The following CALD1 variants were observed in gnomAD, a reference collection of about 807,000 sequenced individuals.
CALD1 encodes caldesmon.
A neutral mutation model predicts 99.9 loss-of-function variants in CALD1; 33 were observed. The ratio of observed to expected loss-of-function variants is 0.33; its 90% CI spans 0.25 to 0.44. The LOEUF (loss-of-function observed/expected upper bound fraction) is 0.44. CALD1 is among the 20% of genes least tolerant of loss of function. The probability of loss-of-function intolerance (pLI) is 1.00; values close to 1 mark genes in which losing one functional copy is unlikely to be tolerated. For synonymous variants in CALD1, 310 were observed against 325.0 expected, an observed-to-expected ratio of 0.95 and a Z score of 0.50; for missense variants, 861 against 962.1, an observed-to-expected ratio of 0.89 and a Z score of 1.39.
intron 4 of CALD1, among the ~76,000 whole-genome samples, chr7:134,930,544 A>T (rs1024553704): frequency 6.6e-6 from 1 of 152,152 alleles, no homozygotes; most frequent in East Asian, 1.9e-4. Flanking sequence ...TTCAGAAAGC[A>T]GTCTTGAAAA....
chr7:134,921,347 T>A (rs772103586), intron 3 of CALD1, among the ~76,000 whole-genome samples: 1 of 152,272 alleles, frequency 6.6e-6, no homozygotes, highest in Non-Finnish European at 1.5e-5. Context: ...ATCTTAATTT[T>A]TTCATAATGT....
chr7:134,957,830 T>C (rs1435582815), intron 9 of CALD1, among the ~76,000 whole-genome samples: 1 of 152,152 alleles, frequency 6.6e-6, no homozygotes, highest in Non-Finnish European at 1.5e-5. Flanking sequence ...AACTTGATTT[T>C]TTTTTTTTTA....
chr7:134,895,334 GTGTGTGTGTA>G (rs1802495439), intron 3 of CALD1, among the ~76,000 whole-genome samples: 2 of 148,512 alleles, frequency 1.3e-5, no homozygotes, highest in African/African-American at 5.2e-5. Context: ...GTGTGTGTGT[GTGTGTGTGTA>G]TGTATTTAGT....
chr7:134,891,942 T>C (rs776309009), intron 3 of CALD1, among the ~76,000 whole-genome samples: 2 of 152,102 alleles, frequency 1.3e-5, no homozygotes, highest in East Asian at 1.9e-4. Flanking sequence ...CAGGAGTTTA[T>C]ACCTAGGCAC....
intron 1 of CALD1, among the ~76,000 whole-genome samples, chr7:134,802,332 T>C (rs1166497279): frequency 6.6e-6 from 1 of 152,214 alleles, no homozygotes; most frequent in Non-Finnish European, 1.5e-5. Context: ...AAATAGTATA[T>C]ATTTTTTATC....
chr7:134,872,357 C>CAAAAAAAAA (rs35569742), intron 3 of CALD1, among the ~76,000 whole-genome samples: 1 of 100,404 alleles, frequency 1.0e-5, no homozygotes. Flanking sequence ...GACTCGGTCT[C>CAAAAAAAAA]AAAAAAAAAA....
intron 3 of CALD1, among the ~76,000 whole-genome samples, chr7:134,880,466 T>A (rs1225680331): frequency 6.6e-6 from 1 of 152,216 alleles, no homozygotes; most frequent in Non-Finnish European, 1.5e-5. Flanking sequence ...TGATGGGTTA[T>A]CAGGCTGATT....
intron 1 of CALD1, among the ~76,000 whole-genome samples, chr7:134,797,279 C>T (rs1797781694): frequency 6.6e-6 from 1 of 152,170 alleles, no homozygotes; most frequent in Non-Finnish European, 1.5e-5. Flanking sequence ...GCCACTGCAC[C>T]CGACCCAGAA....
intron 3 of CALD1, among the ~76,000 whole-genome samples, chr7:134,870,598 TA>T (rs1801023656): frequency 6.6e-6 from 1 of 152,238 alleles, no homozygotes; most frequent in African/African-American, 2.4e-5. Context: ...TTACACAAAT[TA>T]ATCCTAACCT....
intron 1 of CALD1, among the ~76,000 whole-genome samples, chr7:134,812,266 C>T (rs1453486463): frequency 6.6e-6 from 1 of 151,456 alleles, no homozygotes; most frequent in Non-Finnish European, 1.5e-5. Context: ...ATGATAATCT[C>T]TTTAGCCACC....
chr7:134,840,616 T>G (rs1330212249), intron 1 of CALD1, among the ~76,000 whole-genome samples: 1 of 152,196 alleles, frequency 6.6e-6, no homozygotes, highest in South Asian at 2.1e-4. Context: ...CTCCAAAACA[T>G]TTAAAGAAAA....
intron 2 of CALD1, among the ~76,000 whole-genome samples, chr7:134,845,382 C>A (rs1335792445): frequency 6.6e-6 from 1 of 152,140 alleles, no homozygotes; most frequent in Non-Finnish European, 1.5e-5. Context: ...ATTAAAGATG[C>A]TTTCTCCTCA....
intron 3 of CALD1, among the ~76,000 whole-genome samples, chr7:134,870,998 A>G (rs1801046329): frequency 6.6e-6 from 1 of 152,178 alleles, no homozygotes; most frequent in African/African-American, 2.4e-5. Context: ...GCTGAAATCA[A>G]GGCCATCTAA....
At chr7:134,842,310 C>T (rs185404764) in intron 1 of CALD1, among the ~76,000 whole-genome samples, 419 of 152,298 alleles carry the variant, frequency 2.8e-3, no homozygotes, top group Non-Finnish European at 4.5e-3. Context: ...AGTGCTTATC[C>T]TAAGATAAGA....
chr7:134,758,097 T>A (rs1796745588), intron 1 of CALD1, among the ~76,000 whole-genome samples: 1 of 152,132 alleles, frequency 6.6e-6, no homozygotes, highest in Non-Finnish European at 1.5e-5. Flanking sequence ...CCCAGAAACT[T>A]TCTACAAGTA....
At chr7:134,905,979 G>A (rs1803354264) in intron 3 of CALD1, among the ~76,000 whole-genome samples, 1 of 141,434 alleles carries the variant, frequency 7.1e-6, no homozygotes. Context: ...TCCCATTCTG[G>A]AGTGCAGTGG....
chr7:134,772,742 T>C (rs1163268778), intron 1 of CALD1, among the ~76,000 whole-genome samples: 1 of 152,254 alleles, frequency 6.6e-6, no homozygotes, highest in East Asian at 1.9e-4. Flanking sequence ...TTATTTTCTG[T>C]GTACTTATTG....
chr7:134,764,064 G>T (rs1014040869), intron 1 of CALD1, among the ~76,000 whole-genome samples: 2 of 152,014 alleles, frequency 1.3e-5, no homozygotes, highest in African/African-American at 4.8e-5. Context: ...GTAACAAAGT[G>T]TCCCCAAAGT....
chr7:134,836,970 T>G (rs988084110), intron 1 of CALD1, among the ~76,000 whole-genome samples: 22 of 152,192 alleles, frequency 1.4e-4, no homozygotes, highest in Non-Finnish European at 2.8e-4. Flanking sequence ...GCTGCAATGA[T>G]TAGGCACCAT....
Sources: allele counts gnomAD v4.1 joint callset (sites outside exome capture counted in the v4.1 genomes callset), GRCh38; gene constraint gnomAD v4.1.1; transcripts MANE v1.5; gene names NCBI Gene and HGNC (gene_info 2026-07-23, HGNC 2026-07-21).